KSR2: variants seen among roughly 807,000 people sequenced by gnomAD.
The protein encoded by KSR2 is kinase suppressor of ras 2.
A neutral mutation model predicts 107.8 loss-of-function variants in KSR2; 25 were observed. That is an observed-to-expected ratio of 0.23 (90% CI 0.17 to 0.32). The LOEUF (loss-of-function observed/expected upper bound fraction) is 0.32. Among genes scored for constraint, KSR2 ranks in the 10% least tolerant of loss-of-function variants. The pLI is 1.00. For synonymous variants in KSR2, 480 were observed against 507.0 expected, an observed-to-expected ratio of 0.95 and a Z score of 0.71; for missense variants, 887 against 1,268.9, an observed-to-expected ratio of 0.70 and a Z score of 4.57.
At chr12:117,683,720 C>T (rs1885459992) in intron 4 of KSR2, among the ~76,000 whole-genome samples, 1 of 152,138 alleles carries the variant, frequency 6.6e-6, no homozygotes, top group Admixed American at 6.5e-5. Flanking sequence ...CCCTCTTGTC[C>T]ACTAAGACAC....
chr12:117,862,938 C>A (rs1345039861), intron 1 of KSR2, among the ~76,000 whole-genome samples: 1 of 152,072 alleles, frequency 6.6e-6, no homozygotes, highest in East Asian at 1.9e-4. Context: ...ACCGTGTTAG[C>A]CAGGATGGTC....
intron 3 of KSR2, among the ~76,000 whole-genome samples, chr12:117,780,394 T>C (rs1249162158): frequency 6.6e-6 from 1 of 152,200 alleles, no homozygotes; most frequent in Non-Finnish European, 1.5e-5. Context: ...AGTAAGGAAG[T>C]TCTGATACAT....
At chr12:117,702,286 T>C (rs377494010) in intron 4 of KSR2, among the ~76,000 whole-genome samples, 1 of 152,190 alleles carries the variant, frequency 6.6e-6, no homozygotes, top group Non-Finnish European at 1.5e-5. Context: ...GTCAGTTCCA[T>C]TGCAAAGGTG....
Position 117,950,749 on chromosome 12 carries a change from A to AATAATAATAATAATAAT in KSR2, c.180+17326_180+17327insATTATTATTATTATTAT, listed in dbSNP as rs1555260903. On this transcript the variant is annotated intron_variant, in intron 1 of 19. Coordinates refer to ENST00000339824, the MANE Select transcript of KSR2 (RefSeq NM_173598.6). ...GAGCAAGACTCTGTAAAAAAAAAAA[A>AATAATAATAATAATAAT]AATAATAATAATAATAATAATGATA... Among the ~76,000 whole-genome samples, 42 of 132,146 alleles carry AATAATAATAATAATAAT rather than the reference A, an allele frequency of 3.2e-4. No homozygotes were observed. The East Asian group carries it at 8.0e-3, about 25-fold the overall frequency. The allele number at this position is 132,146 out of a possible 152,430, so 86.7% of individuals were successfully genotyped here. A position where few individuals can be genotyped will look rare whatever the true frequency, so the allele number is the denominator to read the frequency against.
At chr12:117,815,966 C>T (rs1891350482) in intron 3 of KSR2, among the ~76,000 whole-genome samples, 1 of 142,010 alleles carries the variant, frequency 7.0e-6, no homozygotes, top group Non-Finnish European at 1.5e-5. Flanking sequence ...CAGAGCAAAA[C>T]TCTGTCTCAA....
intron 1 of KSR2, among the ~76,000 whole-genome samples, chr12:117,896,400 G>A (rs1174247480): frequency 1.3e-5 from 2 of 151,990 alleles, no homozygotes; most frequent in Admixed American, 6.6e-5. Flanking sequence ...GACTGCTAAT[G>A]TGAGGTTCCT....
intron 4 of KSR2, among the ~76,000 whole-genome samples, chr12:117,695,555 A>G (rs972972525): frequency 8.6e-6 from 1 of 116,008 alleles, no homozygotes. Flanking sequence ...AAAAAAAAAA[A>G]AAAAAATTAG....
chr12:117,644,609 T>C (rs1883533212), intron 5 of KSR2, among the ~76,000 whole-genome samples: 2 of 152,056 alleles, frequency 1.3e-5, no homozygotes, highest in African/African-American at 4.8e-5. Flanking sequence ...GAAAGCAAGG[T>C]TGGAAACCAC....
At chr12:117,593,177 A>G (rs1186610434) in intron 5 of KSR2, among the ~76,000 whole-genome samples, 1 of 152,104 alleles carries the variant, frequency 6.6e-6, no homozygotes, top group Non-Finnish European at 1.5e-5. Flanking sequence ...CCTTGACCCA[A>G]AGGAAAATGC....
intron 1 of KSR2, among the ~76,000 whole-genome samples, chr12:117,884,104 C>T (rs1894106453): frequency 6.6e-6 from 1 of 152,038 alleles, no homozygotes. Flanking sequence ...GTCACTGTGC[C>T]CATCTTACAA....
intron 3 of KSR2, among the ~76,000 whole-genome samples, chr12:117,779,696 C>T (rs1282818451): frequency 2.0e-5 from 3 of 152,158 alleles, no homozygotes; most frequent in African/African-American, 7.2e-5. Flanking sequence ...AGCAGTTTCT[C>T]CTGTCCTCTC....
At chr12:117,548,844 A>G (rs1877076543) in intron 9 of KSR2, among the ~76,000 whole-genome samples, 1 of 152,254 alleles carries the variant, frequency 6.6e-6, no homozygotes, top group Non-Finnish European at 1.5e-5. Flanking sequence ...AAACTCAACT[A>G]TGATTGTGTA....
At chr12:117,606,501 C>CTCCCCTCCTTCCTCCCTCCCTCCT (rs1200574805) in intron 5 of KSR2, among the ~76,000 whole-genome samples, 1 of 8,654 alleles carries the variant, frequency 1.2e-4, no homozygotes, top group Non-Finnish European at 2.6e-4. Flanking sequence ...TCCTCCATCC[C>CTCCCCTCCTTCCTCCCTCCCTCCT]CTCCTTCCTT....
chr12:117,488,921 C>T (rs977383837), intron 14 of KSR2, among the ~76,000 whole-genome samples: 7 of 151,954 alleles, frequency 4.6e-5, no homozygotes, highest in South Asian at 2.1e-4. Context: ...CCCAAATGTT[C>T]GTCAACAGAA....
At chr12:117,703,604 A>C (rs1276517648) in intron 4 of KSR2, among the ~76,000 whole-genome samples, 1 of 152,230 alleles carries the variant, frequency 6.6e-6, no homozygotes, top group African/African-American at 2.4e-5. Flanking sequence ...TGAAGTTCTT[A>C]AAAGGCCAAT....
intron 12 of KSR2, among the ~76,000 whole-genome samples, chr12:117,527,405 C>T (rs1383627909): frequency 1.3e-5 from 2 of 151,886 alleles, no homozygotes; most frequent in Admixed American, 6.6e-5. Context: ...GTTGATTTTC[C>T]GGGCTGCTCA....
At chr12:117,849,142 C>A in intron 3 of KSR2, among the ~76,000 whole-genome samples, 1 of 152,130 alleles carries the variant, frequency 6.6e-6, no homozygotes, top group African/African-American at 2.4e-5. Context: ...ACGGAGGCTG[C>A]CCTAGCCACC....
At chr12:117,797,379 T>C (rs561946842) in intron 3 of KSR2, among the ~76,000 whole-genome samples, 23 of 152,328 alleles carry the variant, frequency 1.5e-4, no homozygotes, top group African/African-American at 5.3e-4. Context: ...AGAAGCCAGA[T>C]GCAAAGTGTC....
intron 5 of KSR2, among the ~76,000 whole-genome samples, chr12:117,658,443 G>A (rs929456959): frequency 3.3e-5 from 5 of 152,128 alleles, no homozygotes; most frequent in Non-Finnish European, 4.4e-5. Context: ...CTGGCCCTCC[G>A]CCTGCTATTG....
Sources: allele counts gnomAD v4.1 joint callset (sites outside exome capture counted in the v4.1 genomes callset), GRCh38; gene constraint gnomAD v4.1.1; transcripts MANE v1.5; gene names NCBI Gene and HGNC (gene_info 2026-07-23, HGNC 2026-07-21).